Variants in NSD2 observed in about 807,000 individuals in gnomAD.
The protein encoded by NSD2 is histone-lysine N-methyltransferase NSD2.
NSD2 carries 12 observed loss-of-function variants against 139.0 expected under a neutral mutation model. The observed-to-expected ratio is 0.09, with a 90% CI of 0.06 to 0.14. The LOEUF is 0.14. NSD2 is among the 10% of genes least tolerant of loss of function. The pLI is 1.00. For synonymous variants in NSD2, 669 were observed against 648.7 expected (o/e 1.03, Z -0.48); for missense variants, 1,155 against 1,745.0 (o/e 0.66, Z 6.02).
Position 1,976,670 on chromosome 4 carries a change from C to A in NSD2, c.3817C>A (p.Arg1273=). Residue 1273 remains arginine (R), a synonymous_variant, in exon 21 of 22, where the codon CGG becomes AGG. Transcript: ENST00000508803. The surrounding 1 kb of genome is among the most constrained non-coding windows in gnomAD (Gnocchi z 5.3). ...CCTGTCCTGCCTGGGCCTTGGCAAG[C>A]GGCCCTTCGGTGGGTGTGCAGCCTC... is the stretch of plus-strand genomic sequence containing the variant. The part of the protein sequence containing the change: ...YHLSCLGLGK[R]PFGKWECPWH... 6.3e-7 allele frequency: 1 copy of A among 1,580,554 alleles called. No individual in the cohort carries two copies. The highest frequency in any genetic ancestry group is 8.6e-7 in the Non-Finnish European group (1 of 1,163,292).
At position 1,955,098 on chromosome 4, in the gene NSD2, G is replaced by C; in HGVS notation, c.2339-63G>C. 7.5e-6 allele frequency: 11 copies of C among 1,470,710 alleles called. No homozygotes were observed. The highest frequency in any genetic ancestry group is 9.2e-6 in the Non-Finnish European group (10 of 1,081,410). The allele number at this position is 1,470,710 out of a possible 1,614,324, so 91.1% of individuals were successfully genotyped here. The stretch of plus-strand genomic sequence containing the variant: ...CATGGAGGCTGAGTAATTATTAGTT[G>C]CTCTTTTCACTATGACTGGAGTCAG... On this transcript the variant is annotated intron_variant, in intron 12 of 21. Transcript: ENST00000508803. This position sits in a 1 kb window ranked among gnomAD's most constrained non-coding sequence, Gnocchi z 4.7.
At position 1,974,477 on chromosome 4, in the gene NSD2, G is replaced by A. The variant is rs1024757419; in HGVS notation, c.3373-386G>A. Among the ~76,000 whole-genome samples, 1 of 152,218 alleles carries A rather than the reference G, an allele frequency of 6.6e-6. No individual in the cohort carries two copies. The highest frequency in any genetic ancestry group is 2.4e-5 in the African/African-American group (1 of 41,456). ...GATCTGCCTGCTTCAGCCTCCCAAA[G>A]TGCTGGGATTACAGGCGTGAGCCAC... On this transcript the variant is annotated intron_variant, in intron 18 of 21. Coordinates refer to ENST00000508803, the MANE Select transcript of NSD2 (RefSeq NM_001042424.3). This position sits in a 1 kb window ranked among gnomAD's most constrained non-coding sequence, Gnocchi z 4.0.
chr4:1,939,374 A>AT (rs764317810), intron 8 of NSD2: 3 of 429,364 alleles, frequency 7.0e-6, no homozygotes, highest in Non-Finnish European at 1.3e-5. Context: ...TTGCTTCAGA[A>AT]TAATCTGGCA....
At position 1,941,449 on chromosome 4, in the gene NSD2, C is replaced by G. The variant is rs1013892978; in HGVS notation, c.1881+1671C>G. On this transcript the variant is annotated intron_variant, in intron 9 of 21. Coordinates refer to ENST00000508803, the MANE Select transcript of NSD2 (RefSeq NM_001042424.3). ...ATGCATGAGGCCAGTGTAGCGGGGT[C>G]GAGGCCTGCCCATGAGTCAGGGGAG... 2.7e-5 allele frequency: 28 copies of G among 1,046,938 alleles called. No individual in the cohort carries two copies. In the African/African-American group the frequency reaches 4.0e-4, roughly 15 times the overall value. The allele number at this position is 1,046,938 out of a possible 1,614,324, so 64.9% of individuals were successfully genotyped here.
chr4:1,897,033 G>C (rs760365533), intron 1 of NSD2, among the ~76,000 whole-genome samples: 2 of 151,990 alleles, frequency 1.3e-5, no homozygotes, highest in East Asian at 3.9e-4. Flanking sequence ...GGGCATGGTG[G>C]CAAGTGCCTT....
At chr4:1,965,167 C>T (rs1347175748) in intron 18 of NSD2, among the ~76,000 whole-genome samples, 1 of 149,882 alleles carries the variant, frequency 6.7e-6, no homozygotes, top group African/African-American at 2.4e-5. Flanking sequence ...GATAGATCTA[C>T]TAGACAGAGA....
chr4:1,931,726 C>T (rs889255728), intron 6 of NSD2, among the ~76,000 whole-genome samples: 4 of 152,144 alleles, frequency 2.6e-5, no homozygotes, highest in Admixed American at 1.3e-4. Flanking sequence ...CATCAGCTAT[C>T]TCATTAATCT....
chr4:1,978,789 T>G lies in NSD2; in HGVS notation c.3978T>G (p.His1326Gln), dbSNP rs752539028. 1 of 1,613,638 alleles carries G rather than the reference T, an allele frequency of 6.2e-7. No individual in the cohort carries two copies. The highest frequency in any genetic ancestry group is 8.5e-7 in the Non-Finnish European group (1 of 1,179,698). ...TPDGRSYCCE[H>Q]DLGAASVRST... is the part of the protein sequence containing the mutation. ...ACGGGCGGTCCTACTGCTGTGAGCA[T>G]GACTTAGGGGCGGCATCGGTCAGAA... The change falls in exon 22 of 22, where the codon CAT becomes CAG. Residue 1326 changes from histidine to glutamine, a missense_variant. Physicochemically the swap from His to Gln is conservative, Grantham distance 24. This residue lies in a region of NSD2 where 132 missense variants were observed against 94.3 expected (regional missense o/e 1.40). Transcript: ENST00000508803.
intron 1 of NSD2, among the ~76,000 whole-genome samples, chr4:1,876,344 T>C (rs774037899): frequency 1.3e-5 from 2 of 152,152 alleles, no homozygotes; most frequent in Non-Finnish European, 1.5e-5. Context: ...CAACAAAATA[T>C]ACAAGGATAG....
intron 1 of NSD2, among the ~76,000 whole-genome samples, chr4:1,872,145 G>C (rs1393501344): frequency 6.6e-6 from 1 of 151,966 alleles, no homozygotes; most frequent in African/African-American, 2.4e-5. Flanking sequence ...TGGTCAGCGC[G>C]GACGCTCCCC....
chr4:1,886,659 G>A (rs148231977), intron 1 of NSD2, among the ~76,000 whole-genome samples: 1 of 152,076 alleles, frequency 6.6e-6, no homozygotes, highest in Non-Finnish European at 1.5e-5. Flanking sequence ...GTGGAACCCC[G>A]TCTCTACTAA....
chr4:1,923,408 AAGG>A (rs1720429004), intron 5 of NSD2, among the ~76,000 whole-genome samples: 1 of 152,114 alleles, frequency 6.6e-6, no homozygotes, highest in Admixed American at 6.6e-5. Flanking sequence ...AACAATTCTG[AAGG>A]AGAAGGGCAA....
At chr4:1,913,540 G>C (rs981327796) in intron 3 of NSD2, among the ~76,000 whole-genome samples, 1 of 152,244 alleles carries the variant, frequency 6.6e-6, no homozygotes, top group Non-Finnish European at 1.5e-5. Flanking sequence ...GAATTGGTGA[G>C]AATATTAAAG....
At chr4:1,952,987 C>T in intron 11 of NSD2, 1 of 1,436,672 alleles carries the variant, frequency 7.0e-7, no homozygotes, top group Non-Finnish European at 9.1e-7. Context: ...CCACCACTGG[C>T]CAGCTGCTCT....
At chr4:1,921,011 C>A (rs138182580) in intron 5 of NSD2, among the ~76,000 whole-genome samples, 11 of 152,254 alleles carry the variant, frequency 7.2e-5, no homozygotes, top group African/African-American at 2.6e-4. Flanking sequence ...GCACTCTAGT[C>A]TGGGCCACAG....
intron 1 of NSD2, among the ~76,000 whole-genome samples, chr4:1,872,619 AGAGAGAGAGAGAGAGAGC>A (rs1316450242): frequency 1.3e-4 from 19 of 145,774 alleles, no homozygotes; most frequent in Non-Finnish European, 2.3e-4. Flanking sequence ...AGAGAGAGAG[AGAGAGAGAGAGAGAGAGC>A]GCGCAGACCC....
chr4:1,879,387 T>A (rs1048013269), intron 1 of NSD2, among the ~76,000 whole-genome samples: 5 of 151,816 alleles, frequency 3.3e-5, no homozygotes, highest in Admixed American at 6.6e-5. Flanking sequence ...CCCGGCTAAT[T>A]TTTTTGTATT....
At chr4:1,961,212 C>A in intron 18 of NSD2, 61 bp downstream of exon 18, 2 of 1,384,562 alleles carry the variant, frequency 1.4e-6, no homozygotes, top group Admixed American at 1.8e-5. Context: ...CTGATGGTCA[C>A]CTGTAGAACT....
intron 2 of NSD2, among the ~76,000 whole-genome samples, chr4:1,902,567 G>A (rs1717326115): frequency 6.6e-6 from 1 of 152,084 alleles, no homozygotes; most frequent in Non-Finnish European, 1.5e-5. Flanking sequence ...TGAACCTCAT[G>A]CTTTTGCTTG....
Sources: allele counts gnomAD v4.1 joint callset (sites outside exome capture counted in the v4.1 genomes callset), GRCh38; gene constraint gnomAD v4.1.1; regional missense constraint gnomAD v4.1.1; non-coding constraint Gnocchi (gnomAD v3.1); transcripts MANE v1.5; gene names NCBI Gene and HGNC (gene_info 2026-07-23, HGNC 2026-07-21).